The following PTK2 variants were observed in gnomAD, a reference collection of about 807,000 sequenced individuals.
PTK2 encodes the protein protein tyrosine kinase 2, also known as focal adhesion kinase 1.
Under a neutral mutation model 150.1 loss-of-function variants are expected in PTK2, and 45 were observed. That is an observed-to-expected ratio of 0.30 (90% confidence interval 0.24 to 0.38). PTK2 has a LOEUF of 0.38. Ranked by LOEUF, PTK2 falls within the 10% of genes least tolerant of loss-of-function variation. The pLI, the probability that PTK2 is intolerant of heterozygous loss-of-function variation, is 1.00. For synonymous variants in PTK2, 432 were observed against 449.2 expected (o/e 0.96, Z 0.48); for missense variants, 919 against 1,307.3 (o/e 0.70, Z 4.58).
At chr8:140,689,635 T>TA (rs2100021978) in intron 26 of PTK2, among the ~76,000 whole-genome samples, 1 of 152,238 alleles carries the variant, frequency 6.6e-6, no homozygotes, top group African/African-American at 2.4e-5. Context: ...TTGAACTATT[T>TA]AAGAGTTAAA....
chr8:140,833,966 G>T (rs190441029), intron 7 of PTK2, among the ~76,000 whole-genome samples: 1 of 152,104 alleles, frequency 6.6e-6, no homozygotes, highest in African/African-American at 2.4e-5. Context: ...ATATACAACC[G>T]CTAGTGATAT....
chr8:140,854,065 T>TA (rs1238861098), intron 5 of PTK2, among the ~76,000 whole-genome samples: 3 of 152,222 alleles, frequency 2.0e-5, no homozygotes, highest in Non-Finnish European at 1.5e-5. Flanking sequence ...ACCTCACATG[T>TA]TCCTATAGTT....
At chr8:140,978,139 C>G (rs965339166) in intron 1 of PTK2, among the ~76,000 whole-genome samples, 2 of 152,132 alleles carry the variant, frequency 1.3e-5, no homozygotes, top group Non-Finnish European at 2.9e-5. Context: ...AATGTTAGAC[C>G]TAAAACCATA....
chr8:140,797,918 T>G (rs2100092669), intron 12 of PTK2, among the ~76,000 whole-genome samples: 1 of 152,136 alleles, frequency 6.6e-6, no homozygotes, highest in Non-Finnish European at 1.5e-5. Context: ...GTAGCTGGAA[T>G]TACAGACATG....
chr8:140,729,969 A>C (rs1253865039), intron 22 of PTK2, among the ~76,000 whole-genome samples: 5 of 152,218 alleles, frequency 3.3e-5, no homozygotes, highest in African/African-American at 1.2e-4. Flanking sequence ...ATAGTGTATA[A>C]AAGTTCATGG....
At position 140,996,290 on chromosome 8, in the gene PTK2, G is replaced by A. The variant is rs572133826; in HGVS notation, c.-122+4835C>T. The stretch of plus-strand genomic sequence containing the variant: ...GCTGGAAGCTAGCAGAGGTTGGTTC[G>A]TGAGGTGGAAGGAAAAAAGCCATCT... On this transcript the variant is annotated intron_variant, in intron 1 of 31. Transcript: ENST00000522684. Among the ~76,000 whole-genome samples, 4 of 152,304 alleles carry A rather than the reference G, an allele frequency of 2.6e-5. No homozygotes were observed. In the South Asian group the frequency reaches 6.2e-4, roughly 24 times the overall value.
chr8:140,714,728 C>G (rs1285862889), intron 23 of PTK2, among the ~76,000 whole-genome samples: 4 of 126,734 alleles, frequency 3.2e-5, no homozygotes, highest in African/African-American at 1.2e-4. Context: ...ACCCAGGAGG[C>G]AGAGGTTGCA....
intron 20 of PTK2, among the ~76,000 whole-genome samples, chr8:140,742,922 T>C (rs2100056569): frequency 6.6e-6 from 1 of 152,204 alleles, no homozygotes; most frequent in Non-Finnish European, 1.5e-5. Context: ...AGTCTAAGGA[T>C]CCCTGGCCTA....
At chr8:140,948,376 G>C (rs1476917392) in intron 1 of PTK2, among the ~76,000 whole-genome samples, 3 of 152,090 alleles carry the variant, frequency 2.0e-5, no homozygotes, top group Non-Finnish European at 4.4e-5. Flanking sequence ...GCAGAACAGG[G>C]AGACATGCTG....
At chr8:140,955,692 CG>C (rs1363872017) in intron 1 of PTK2, among the ~76,000 whole-genome samples, 1 of 152,136 alleles carries the variant, frequency 6.6e-6, no homozygotes, top group Non-Finnish European at 1.5e-5. Flanking sequence ...GATAAAAGAT[CG>C]GAAGCATAGC....
rs890515585 is a variant in PTK2, at chr8:140,941,751, G to A, written c.-121-16002C>T. Among the ~76,000 whole-genome samples, 20 of 151,898 alleles carry A rather than the reference G, an allele frequency of 1.3e-4. 1 individual carries two copies. Among genetic ancestry groups the A allele is most frequent in the Admixed American group, 1.0e-3 (16 of 15,252 alleles). ...ACAGGGTCTCACTTTTGTCACCTAC[G>A]CTGGGATGCAGTGGCATGATCTCAG... On this transcript the variant is annotated intron_variant, in intron 1 of 31. Transcript: ENST00000522684.
intron 12 of PTK2, among the ~76,000 whole-genome samples, chr8:140,795,164 T>A (rs907148936): frequency 1.2e-4 from 19 of 152,180 alleles, no homozygotes; most frequent in African/African-American, 4.1e-4. Flanking sequence ...CTCTACTTTA[T>A]CTGTACCCAG....
intron 31 of PTK2, 60 bp downstream of exon 35, chr8:140,664,857 C>T: frequency 6.5e-7 from 1 of 1,538,092 alleles, no homozygotes; most frequent in South Asian, 1.1e-5. Context: ...ACAGGCATCC[C>T]TGAATGTGTC....
At chr8:140,694,529 C>T (rs1047038531) in intron 26 of PTK2, among the ~76,000 whole-genome samples, 2 of 151,938 alleles carry the variant, frequency 1.3e-5, no homozygotes, top group Non-Finnish European at 2.9e-5. Context: ...TCTGAGAAGC[C>T]CTGTATTGGA....
At chr8:140,915,750 A>C (rs2100165001) in intron 2 of PTK2, among the ~76,000 whole-genome samples, 2 of 152,038 alleles carry the variant, frequency 1.3e-5, no homozygotes, top group South Asian at 4.2e-4. Flanking sequence ...AAAAATTAAA[A>C]AATTTGCAGG....
chr8:140,935,650 T>C (rs1220223263), intron 1 of PTK2, among the ~76,000 whole-genome samples: 7 of 149,834 alleles, frequency 4.7e-5, no homozygotes, highest in Admixed American at 4.6e-4. Flanking sequence ...AAAATGAAAG[T>C]TTTTTTCCTA....
intron 2 of PTK2, among the ~76,000 whole-genome samples, chr8:140,910,920 C>G (rs1251868467): frequency 6.6e-6 from 1 of 152,200 alleles, no homozygotes; most frequent in Non-Finnish European, 1.5e-5. Context: ...CTCTGTCGCC[C>G]AGGCTGGAGT....
At position 140,764,414 on chromosome 8, in the gene PTK2, A is replaced by G. The variant is rs980633292; in HGVS notation, c.1178-124T>C. 1.4e-5 allele frequency: 10 copies of G among 732,450 alleles called. No homozygotes were observed. The South Asian group carries it at 1.8e-4, about 13-fold the overall frequency. 45.4% of individuals were successfully genotyped at this position (732,450 alleles called of 1,614,324 possible). ...TACTACGCTGAAATATTCTTAAAAC[A>G]CTATTACTCAAATTTTGCTCACACA... On this transcript the variant is annotated intron_variant, in intron 14 of 31. Coordinates refer to ENST00000522684, the Ensembl canonical transcript of PTK2.
At chr8:140,849,562 A>G (rs546193673) in intron 5 of PTK2, among the ~76,000 whole-genome samples, 70 of 152,324 alleles carry the variant, frequency 4.6e-4, no homozygotes, top group African/African-American at 1.6e-3. Flanking sequence ...ATTTACATGT[A>G]ATATCTCATT....
Sources: allele counts gnomAD v4.1 joint callset (sites outside exome capture counted in the v4.1 genomes callset), GRCh38; gene constraint gnomAD v4.1.1; transcripts MANE v1.5; gene names NCBI Gene and HGNC (gene_info 2026-07-23, HGNC 2026-07-21).